Variants in LAMA1 observed in about 807,000 individuals in gnomAD.
LAMA1 encodes the protein laminin subunit alpha 1.
In LAMA1, 219 loss-of-function variants were observed where a neutral mutation model predicts 348.7. The observed-to-expected ratio is 0.63, with a 90% CI of 0.56 to 0.70. The LOEUF is 0.70. Among genes scored for constraint, LAMA1 ranks in the 30% least tolerant of loss-of-function variants. LAMA1 has a pLI of 0.00. For synonymous variants in LAMA1, 1,487 were observed against 1,491.0 expected (o/e 1.00, Z 0.06); for missense variants, 3,744 against 3,888.0 (o/e 0.96, Z 0.99).
intron 13 of LAMA1, 100 bp from the exon 14 acceptor site, chr18:7,034,790 G>A (rs1047830122): frequency 1.2e-5 from 13 of 1,068,442 alleles, no homozygotes; most frequent in Middle Eastern, 5.7e-4. Context: ...TTTTTCATTC[G>A]TGCCTAGCTT....
In LAMA1 at chr18:6,961,724, G is replaced by A. The variant is rs2057608609; in HGVS notation, c.7488C>T (p.Tyr2496=). Residue 2496 remains tyrosine, a synonymous_variant, in exon 53 of 63, where the codon TAC becomes TAT. Coordinates refer to ENST00000389658, the MANE Select transcript of LAMA1 (RefSeq NM_005559.4). ...ACAAAGATTTGGGTGGCAATTCAAT[G>A]TAGCCGCCTTTCAGGAAGCTAACAC... ...IRSVSFLKGG[Y]IELPPKSLSP... 1 of 1,614,044 alleles carries A rather than the reference G, an allele frequency of 6.2e-7. No individual in the cohort carries two copies. The highest frequency in any genetic ancestry group is 1.1e-5 in the South Asian group (1 of 91,082).
rs2057500427 is a variant in LAMA1, at chr18:6,942,012, T to C, written c.*67A>G. 1 of 1,577,572 alleles carries C rather than the reference T, an allele frequency of 6.3e-7. No individual in the cohort carries two copies. Among genetic ancestry groups the C allele is most frequent in the African/African-American group, 1.3e-5 (1 of 74,254 alleles). On this transcript the variant is annotated 3_prime_UTR_variant, in exon 63 of 63. Transcript: ENST00000389658. ...AATGAAATATGAACTGAAGAGATTCTTAATTCACACATACACTTCTCCTCA... is the reference window on the plus strand; with the variant it reads ...AATGAAATATGAACTGAAGAGATTCCTAATTCACACATACACTTCTCCTCA...
At chr18:7,028,885 C>T (rs1762855425) in intron 16 of LAMA1, among the ~76,000 whole-genome samples, 1 of 152,214 alleles carries the variant, frequency 6.6e-6, no homozygotes, top group Admixed American at 6.5e-5. Context: ...ACGTGTGTCG[C>T]TGCTCCTCTT....
At chr18:7,018,776 A>G (rs1243224346) in intron 19 of LAMA1, among the ~76,000 whole-genome samples, 1 of 152,194 alleles carries the variant, frequency 6.6e-6, no homozygotes, top group Non-Finnish European at 1.5e-5. Flanking sequence ...AAAAGAGAGA[A>G]AAACTTCACA....
chr18:7,076,036 T>C (rs2058166599), intron 3 of LAMA1, among the ~76,000 whole-genome samples: 1 of 151,844 alleles, frequency 6.6e-6, no homozygotes, highest in African/African-American at 2.4e-5. Context: ...CATCTCTCTA[T>C]AAATACTAAC....
At chr18:7,016,440 G>A (rs767033182) in intron 21 of LAMA1, 51 bp downstream of exon 21, 2 of 1,608,604 alleles carry the variant, frequency 1.2e-6, no homozygotes, top group South Asian at 2.2e-5. Context: ...AGGGCCCAAG[G>A]AAAGCTCTGG....
At chr18:6,944,179 C>A (rs2057512516) in intron 61 of LAMA1, among the ~76,000 whole-genome samples, 1 of 152,098 alleles carries the variant, frequency 6.6e-6, no homozygotes, top group African/African-American at 2.4e-5. Flanking sequence ...CCATGCCCAG[C>A]TAATTTTTGT....
chr18:7,011,421 C>T lies in LAMA1; in HGVS notation c.3566G>A (p.Gly1189Asp). The T allele has an allele frequency of 6.2e-7, 1 of 1,608,490 alleles. No individual in the cohort carries two copies. The change falls in exon 25 of 63, where the codon GGC becomes GAC. Residue 1189 changes from glycine (G) to aspartate (D), a missense_variant. Around this residue, in one of 3 missense-constraint regions of LAMA1, gnomAD observed 1,529 missense variants for 1,689.4 expected, o/e 0.91. Coordinates refer to ENST00000389658, the MANE Select transcript of LAMA1 (RefSeq NM_005559.4). ...CTGGTAGTAAACCCCCTCGGTCGTG[C>T]CCCTCAAGTTACTCTGAGAAACCAC... The part of the protein sequence containing the change: ...LRVVSQSNLR[G>D]TTEGVYYQAP...
At chr18:7,115,798 G>C (rs1243815713) in intron 1 of LAMA1, among the ~76,000 whole-genome samples, 1 of 56,560 alleles carries the variant, frequency 1.8e-5, no homozygotes, top group African/African-American at 4.9e-5. Flanking sequence ...GTGAAACCCT[G>C]TCTCCACTAA....
intron 45 of LAMA1, 102 bp from the exon 46 acceptor site, chr18:6,975,138 TTAAAAA>T: frequency 1.5e-6 from 2 of 1,368,896 alleles, no homozygotes; most frequent in Non-Finnish European, 2.0e-6. Flanking sequence ...TTCTCTTTTC[TTAAAAA>T]TAAATACATA....
intron 48 of LAMA1, among the ~76,000 whole-genome samples, chr18:6,969,569 C>T (rs1289362300): frequency 6.6e-6 from 1 of 152,162 alleles, no homozygotes; most frequent in Non-Finnish European, 1.5e-5. Flanking sequence ...TTTACAAACA[C>T]GTATTTTTGG....
chr18:7,089,354 G>A (rs1377096325), intron 1 of LAMA1, among the ~76,000 whole-genome samples: 1 of 7,718 alleles, frequency 1.3e-4, no homozygotes, highest in Non-Finnish European at 1.9e-4. Context: ...ACTCCAGCCT[G>A]GGCAAAAAAA....
In LAMA1 at chr18:6,993,559, T is replaced by C. The variant is rs2057767637; in HGVS notation, c.5008+82A>G. The C allele has an allele frequency of 3.0e-6, 3 of 1,009,216 alleles. No individual in the cohort carries two copies. The African/African-American group carries it at 4.7e-5, about 16-fold the overall frequency. 62.5% of individuals were successfully genotyped at this position (1,009,216 alleles called of 1,614,324 possible). A position where few individuals can be genotyped will look rare whatever the true frequency, so the allele number is the denominator to read the frequency against. ...GGAAACCCGATGCAAGAGATATACA[T>C]CTATTCATATGTTTAATAAAGCAAT... On this transcript the variant is annotated intron_variant, in intron 35 of 62. Transcript: ENST00000389658.
At chr18:7,087,956 T>C (rs1196467775) in intron 1 of LAMA1, among the ~76,000 whole-genome samples, 1 of 152,146 alleles carries the variant, frequency 6.6e-6, no homozygotes, top group Non-Finnish European at 1.5e-5. Context: ...TATCAGGGGG[T>C]ATCACTAAGT....
In LAMA1 at chr18:7,010,372, C is replaced by T. The variant is rs2057854209; in HGVS notation, c.3701G>A (p.Gly1234Asp). The part of the protein sequence containing the change: ...QFQGDQLMAY[G>D]GKLKYSVAFY... ...GGCCACGCTGTACTTCAGTTTGCCACCATAGGCCATGAGCTATCAAATAAT... is the reference window on the plus strand; with the variant it reads ...GGCCACGCTGTACTTCAGTTTGCCATCATAGGCCATGAGCTATCAAATAAT... The change falls in exon 26 of 63, where the codon GGT (glycine) becomes GAT (aspartate). Residue 1234 changes from glycine to aspartate, a missense_variant. By Grantham distance (94) the Gly-to-Asp change is moderately conservative. Transcript: ENST00000389658. 2 of 1,614,038 alleles carry T rather than the reference C, an allele frequency of 1.2e-6. No individual in the cohort carries two copies. The highest frequency in any genetic ancestry group is 1.3e-5 in the African/African-American group (1 of 75,038).
chr18:7,030,751 C>G (rs662523), intron 16 of LAMA1, among the ~76,000 whole-genome samples: 6 of 151,856 alleles, frequency 4.0e-5, no homozygotes, highest in Non-Finnish European at 8.8e-5. Flanking sequence ...TGTAAACATA[C>G]ATTAATGGAA....
At chr18:7,041,738 A>G (rs1359695612) in intron 9 of LAMA1, among the ~76,000 whole-genome samples, 2 of 152,224 alleles carry the variant, frequency 1.3e-5, no homozygotes, top group Non-Finnish European at 2.9e-5. Context: ...TGTTCCACGC[A>G]TGGCTTTAAA....
At chr18:6,997,155 C>T (rs551447109) in intron 33 of LAMA1, among the ~76,000 whole-genome samples, 2 of 151,194 alleles carry the variant, frequency 1.3e-5, no homozygotes, top group South Asian at 4.2e-4. Flanking sequence ...CCTCCACCTC[C>T]CAGGTTCAAG....
At chr18:7,007,933 A>G (rs2057840670) in intron 28 of LAMA1, among the ~76,000 whole-genome samples, 1 of 151,694 alleles carries the variant, frequency 6.6e-6, no homozygotes, top group Non-Finnish European at 1.5e-5. Flanking sequence ...TTATTTATTT[A>G]TTTATTTATT....
Sources: allele counts gnomAD v4.1 joint callset (sites outside exome capture counted in the v4.1 genomes callset), GRCh38; gene constraint gnomAD v4.1.1; regional missense constraint gnomAD v4.1.1; transcripts MANE v1.5; gene names NCBI Gene and HGNC (gene_info 2026-07-23, HGNC 2026-07-21).